Variants in PID1 observed in about 807,000 individuals in gnomAD.
PID1 encodes the protein PTB-containing, cubilin and LRP1-interacting protein.
A neutral mutation model predicts 19.1 loss-of-function variants in PID1; 10 were observed. The ratio of observed to expected loss-of-function variants is 0.52; its 90% confidence interval spans 0.32 to 0.89. The LOEUF (loss-of-function observed/expected upper bound fraction) is 0.89. PID1 is among the 40% of genes least tolerant of loss of function. The probability of loss-of-function intolerance (pLI) is 0.03; values close to 1 mark genes in which losing one functional copy is unlikely to be tolerated. For missense variants in PID1, 248 were observed against 285.3 expected (o/e 0.87, Z 0.94); for synonymous variants, 130 against 116.0 (o/e 1.12, Z -0.78).
At chr2:229,249,040 C>T (rs139674498) in intron 1 of PID1, among the ~76,000 whole-genome samples, 4 of 152,162 alleles carry the variant, frequency 2.6e-5, no homozygotes, top group Middle Eastern at 3.2e-3. Context: ...AAAACAGATG[C>T]AACTCTGAAC....
intron 1 of PID1, among the ~76,000 whole-genome samples, chr2:229,201,314 T>C (rs1028187431): frequency 6.6e-6 from 1 of 151,996 alleles, no homozygotes; most frequent in Non-Finnish European, 1.5e-5. Context: ...ACACCATCAT[T>C]CCGCTTTCTA....
chr2:229,180,951 G>T (rs1032722495), intron 1 of PID1, among the ~76,000 whole-genome samples: 1 of 152,178 alleles, frequency 6.6e-6, no homozygotes, highest in South Asian at 2.1e-4. Context: ...GCTTTCCAAG[G>T]CACGGGCCCC....
chr2:229,268,806 T>C (rs989174111), intron 1 of PID1, among the ~76,000 whole-genome samples: 2 of 152,022 alleles, frequency 1.3e-5, no homozygotes, highest in East Asian at 3.9e-4. Context: ...GGCATGTTTC[T>C]ATATCACGGT....
chr2:229,201,255 T>G (rs1198132840), intron 1 of PID1, among the ~76,000 whole-genome samples: 1 of 152,092 alleles, frequency 6.6e-6, no homozygotes. Context: ...ACTGAAACGC[T>G]ATGCTTATTA....
intron 2 of PID1, among the ~76,000 whole-genome samples, chr2:229,119,299 T>C (rs1383307409): frequency 6.6e-6 from 1 of 152,246 alleles, no homozygotes; most frequent in Non-Finnish European, 1.5e-5. Context: ...AATTAATTTG[T>C]CTAAAATTAT....
At chr2:229,249,469 A>T (rs1212496937) in intron 1 of PID1, among the ~76,000 whole-genome samples, 1 of 152,236 alleles carries the variant, frequency 6.6e-6, no homozygotes, top group Non-Finnish European at 1.5e-5. Context: ...GCATGACATA[A>T]ATATATTCAC....
At chr2:229,178,577 C>A (rs1195749216) in intron 1 of PID1, among the ~76,000 whole-genome samples, 1 of 151,758 alleles carries the variant, frequency 6.6e-6, no homozygotes, top group African/African-American at 2.4e-5. Context: ...GGCCACTGTG[C>A]CATAAATTTT....
At chr2:229,109,106 A>T (rs185128913) in intron 2 of PID1, among the ~76,000 whole-genome samples, 105 of 152,310 alleles carry the variant, frequency 6.9e-4, no homozygotes, top group Non-Finnish European at 1.1e-3. Flanking sequence ...CTTTTAGGTG[A>T]TTACATAGCT....
chr2:229,163,202 G>A (rs1345762997), intron 1 of PID1, among the ~76,000 whole-genome samples: 2 of 151,904 alleles, frequency 1.3e-5, no homozygotes, highest in Non-Finnish European at 2.9e-5. Flanking sequence ...AATCTAGCAG[G>A]CATATACAAA....
chr2:229,244,740 G>A (rs1689958136), intron 1 of PID1: 1 of 152,028 alleles, frequency 6.6e-6, no homozygotes, highest in Non-Finnish European at 1.5e-5. Context: ...TCCCTACTTT[G>A]TTAAAAGTAA....
chr2:229,091,995 A>C (rs1194833133), intron 2 of PID1, among the ~76,000 whole-genome samples: 4 of 152,168 alleles, frequency 2.6e-5, no homozygotes, highest in African/African-American at 9.7e-5. Context: ...CATTCAGCTA[A>C]ATGATGTCTA....
chr2:229,151,500 A>G (rs1010344870), intron 2 of PID1, among the ~76,000 whole-genome samples: 13 of 152,160 alleles, frequency 8.5e-5, no homozygotes, highest in African/African-American at 3.1e-4. Flanking sequence ...TGCTTAATGC[A>G]TTAATTAACA....
At chr2:229,167,032 AAAGG>A (rs1310656258) in intron 1 of PID1, among the ~76,000 whole-genome samples, 1 of 151,836 alleles carries the variant, frequency 6.6e-6, no homozygotes, top group Non-Finnish European at 1.5e-5. Context: ...AAGGGAGAGA[AAAGG>A]AAGGAAGGAA....
At chr2:229,122,922 C>A (rs1186243152) in intron 2 of PID1, among the ~76,000 whole-genome samples, 1 of 152,150 alleles carries the variant, frequency 6.6e-6, no homozygotes, top group Non-Finnish European at 1.5e-5. Context: ...AACTACTGAG[C>A]TAGCAAACCC....
chr2:229,105,255 A>G (rs944366283), intron 2 of PID1, among the ~76,000 whole-genome samples: 1 of 152,162 alleles, frequency 6.6e-6, no homozygotes, highest in Non-Finnish European at 1.5e-5. Context: ...CTCTAATCTG[A>G]TCTGGTCCCA....
rs541328723 is a variant in PID1, at chr2:229,139,625, G to A, written c.177+16193C>T. The stretch of plus-strand genomic sequence containing the variant: ...TACAAAGAAATCTTGATCTACGAAT[G>A]TAGAGTCTGCCCTAGCTAATGAACC... On this transcript the variant is annotated intron_variant, in intron 2 of 2. Coordinates refer to ENST00000392055, the MANE Select transcript of PID1 (RefSeq NM_001100818.2). Among the ~76,000 whole-genome samples the A allele has an allele frequency of 2.0e-5, 3 of 152,272 alleles. No individual in the cohort carries two copies. In the South Asian group the frequency reaches 6.2e-4, roughly 32 times the overall value.
intron 2 of PID1, among the ~76,000 whole-genome samples, chr2:229,098,130 G>C (rs1695006710): frequency 6.6e-6 from 1 of 152,216 alleles, no homozygotes; most frequent in South Asian, 2.1e-4. Context: ...ACTTTTATCA[G>C]TCTTAGAGGA....
At chr2:229,234,532 C>T (rs1021679969) in intron 1 of PID1, among the ~76,000 whole-genome samples, 8 of 152,182 alleles carry the variant, frequency 5.3e-5, no homozygotes, top group Non-Finnish European at 8.8e-5. Context: ...CCTAACAACA[C>T]CTTGATTTCA....
At chr2:229,068,198 G>A (rs1694371266) in intron 2 of PID1, among the ~76,000 whole-genome samples, 1 of 152,214 alleles carries the variant, frequency 6.6e-6, no homozygotes, top group African/African-American at 2.4e-5. Flanking sequence ...CCCTGGCATT[G>A]AGAAGGGAGC....
Sources: allele counts gnomAD v4.1 joint callset (sites outside exome capture counted in the v4.1 genomes callset), GRCh38; gene constraint gnomAD v4.1.1; transcripts MANE v1.5; gene names NCBI Gene and HGNC (gene_info 2026-07-23, HGNC 2026-07-21).